Variants in AKAP6 observed in about 807,000 individuals in gnomAD.
AKAP6 encodes the protein A-kinase anchor protein 6.
Under a neutral mutation model 188.5 loss-of-function variants are expected in AKAP6, and 58 were observed. That is an observed-to-expected ratio of 0.31 (90% CI 0.25 to 0.38). AKAP6 has a LOEUF of 0.38. AKAP6 is among the 10% of genes least tolerant of loss of function. AKAP6 has a pLI of 1.00. For missense variants in AKAP6, 2,710 were observed against 2,740.0 expected (o/e 0.99, Z 0.24); for synonymous variants, 989 against 998.6 (o/e 0.99, Z 0.18).
At chr14:32,648,579 G>A (rs912352043) in intron 7 of AKAP6, among the ~76,000 whole-genome samples, 7 of 152,138 alleles carry the variant, frequency 4.6e-5, no homozygotes, top group Admixed American at 1.3e-4. Context: ...AGTAGAAACT[G>A]TATCTTAGCT....
intron 7 of AKAP6, among the ~76,000 whole-genome samples, chr14:32,660,601 A>G (rs1002047890): frequency 1.3e-5 from 2 of 152,034 alleles, no homozygotes; most frequent in Non-Finnish European, 2.9e-5. Flanking sequence ...TGGAACATTC[A>G]TTTGTTTCCC....
intron 7 of AKAP6, among the ~76,000 whole-genome samples, chr14:32,638,621 A>G (rs192264137): frequency 2.0e-5 from 3 of 152,220 alleles, no homozygotes; most frequent in Admixed American, 6.6e-5. Context: ...TATAAGTAGG[A>G]AGACCGCTTT....
chr14:32,350,205 AC>A (rs1254338850), intron 1 of AKAP6, among the ~76,000 whole-genome samples: 1 of 152,174 alleles, frequency 6.6e-6, no homozygotes, highest in Non-Finnish European at 1.5e-5. Flanking sequence ...CAGTAGTGAA[AC>A]CTGGTAAGTA....
chr14:32,510,989 C>CT (rs1269745597), intron 2 of AKAP6, among the ~76,000 whole-genome samples: 1 of 152,180 alleles, frequency 6.6e-6, no homozygotes. Flanking sequence ...TCATCCCACA[C>CT]TTACCCTCTA....
chr14:32,685,596 C>T lies in AKAP6; in HGVS notation c.2879+7137C>T, dbSNP rs563636747. On this transcript the variant is annotated intron_variant, in intron 8 of 13. Coordinates refer to ENST00000280979, the MANE Select transcript of AKAP6 (RefSeq NM_004274.5). ...AAAATTAGCCAGGCATGGTGGTGGG[C>T]GCCTGTACTCCCAGCTACTAGGGAG... 8.7e-4 allele frequency among the ~76,000 whole-genome samples: 132 copies of T among 151,722 alleles called. 1 individual carries two copies. Among genetic ancestry groups the T allele is most frequent in the African/African-American group, 2.9e-3 (120 of 41,352 alleles).
intron 12 of AKAP6, among the ~76,000 whole-genome samples, chr14:32,819,261 A>C (rs1053612637): frequency 2.6e-5 from 4 of 152,164 alleles, no homozygotes; most frequent in African/African-American, 9.6e-5. Context: ...CTATACAGAT[A>C]ATCTCTTACA....
At chr14:32,456,971 T>G (rs1299004287) in intron 2 of AKAP6, among the ~76,000 whole-genome samples, 1 of 152,220 alleles carries the variant, frequency 6.6e-6, no homozygotes, top group African/African-American at 2.4e-5. Context: ...GGATGGAAAT[T>G]ATAAATTTAG....
intron 3 of AKAP6, among the ~76,000 whole-genome samples, chr14:32,540,168 C>CTCTCTCTCTCTCTCTCTATA (rs1240063339): frequency 1.5e-4 from 9 of 60,916 alleles, no homozygotes; most frequent in African/African-American, 8.8e-4. Flanking sequence ...CTCTCTCTCT[C>CTCTCTCTCTCTCTCTCTATA]TATATATATA....
chr14:32,745,545 AC>A (rs374497596), intron 11 of AKAP6, among the ~76,000 whole-genome samples: 27 of 149,746 alleles, frequency 1.8e-4, no homozygotes, highest in African/African-American at 5.7e-4. Context: ...GTTATGAGCC[AC>A]CTAAAGCTGG....
At chr14:32,349,744 C>A (rs1025398427) in intron 1 of AKAP6, among the ~76,000 whole-genome samples, 33 of 152,156 alleles carry the variant, frequency 2.2e-4, no homozygotes, top group African/African-American at 6.8e-4. Flanking sequence ...AATGCCCAGA[C>A]CTTGGTGCTA....
intron 9 of AKAP6, among the ~76,000 whole-genome samples, chr14:32,709,961 G>A (rs1312879027): frequency 6.6e-6 from 1 of 151,916 alleles, no homozygotes; most frequent in East Asian, 1.9e-4. Context: ...ATCCTCTTTT[G>A]TAGCAGAAAA....
chr14:32,581,184 T>A (rs1244802200), intron 5 of AKAP6, among the ~76,000 whole-genome samples: 1 of 152,144 alleles, frequency 6.6e-6, no homozygotes, highest in Non-Finnish European at 1.5e-5. Flanking sequence ...GTAAAAGTGT[T>A]CCTGTTTCTC....
chr14:32,820,835 G>C (rs997632458), intron 12 of AKAP6, among the ~76,000 whole-genome samples: 4 of 152,248 alleles, frequency 2.6e-5, no homozygotes, highest in Admixed American at 2.0e-4. Flanking sequence ...ACAGAGGAAG[G>C]GGGGGTACAC....
Position 32,837,250 on chromosome 14 carries a change from G to A in AKAP6, c.*7445G>A, listed in dbSNP as rs1179444460. ...ATTTAACACAAATGCATAAAAATAT[G>A]ATGTAATAAGAAACAATCCTGAAAT... On this transcript the variant is annotated 3_prime_UTR_variant, in exon 14 of 14. Transcript: ENST00000280979. The A allele has an allele frequency of 6.6e-6, 1 of 152,188 alleles. No homozygotes were observed. Among genetic ancestry groups the A allele is most frequent in the Admixed American group, 6.5e-5 (1 of 15,286 alleles). 9.4% of individuals were successfully genotyped at this position (152,188 alleles called of 1,614,324 possible). A position where few individuals can be genotyped will look rare whatever the true frequency, so the allele number is the denominator to read the frequency against.
rs183508581 is a variant in AKAP6 at position 32,780,346 on chromosome 14, A to G, written c.3588+6453A>G. Among the ~76,000 whole-genome samples, 4 of 152,156 alleles carry G rather than the reference A, an allele frequency of 2.6e-5. No individual in the cohort carries two copies. The East Asian group carries it at 7.7e-4, about 29-fold the overall frequency. ...ACTTATATATGGAATCTAAAAAGAA[A>G]AAAAGAAAGAAACAGAGAATCTGAA... On this transcript the variant is annotated intron_variant, in intron 12 of 13. Coordinates refer to ENST00000280979, the MANE Select transcript of AKAP6 (RefSeq NM_004274.5).
rs2034860133 is a variant in AKAP6 at position 32,835,033 on chromosome 14, A to G, written c.*5228A>G. The G allele has an allele frequency of 6.6e-6, 1 of 152,230 alleles. No individual in the cohort carries two copies. Among genetic ancestry groups the G allele is most frequent in the South Asian group, 2.1e-4 (1 of 4,836 alleles). The allele number at this position is 152,230 out of a possible 1,614,324, so 9.4% of individuals were successfully genotyped here. On this transcript the variant is annotated 3_prime_UTR_variant, in exon 14 of 14. Transcript: ENST00000280979. Reference sequence around the variant, plus strand: ...GTGTCCATGTATAAAGTTTTATTAGAACACATCCACGCACATTTGTTTCCA... The same window carrying G: ...GTGTCCATGTATAAAGTTTTATTAGGACACATCCACGCACATTTGTTTCCA...
In AKAP6 at chr14:32,823,229, A is replaced by T. The variant is rs1412965998; in HGVS notation, c.5416A>T (p.Ile1806Phe). 6.2e-7 allele frequency: 1 copy of T among 1,613,784 alleles called. No homozygotes were observed. Among genetic ancestry groups the T allele is most frequent in the South Asian group, 1.1e-5 (1 of 91,078 alleles). The change falls in exon 13 of 14, where the codon ATT (isoleucine) becomes TTT (phenylalanine). Residue 1806 changes from isoleucine to phenylalanine, a missense_variant. By Grantham distance (21) the Ile-to-Phe change is conservative (BLOSUM62 0). Transcript: ENST00000280979. ...CATAAAGAATGAATTACAGACCTGG[A>T]TTAGGCCAAAATTGTCTTTGACAAG... ...DYIKNELQTW[I>F]RPKLSLTRDK...
chr14:32,341,833 C>CA (rs1229551179), intron 1 of AKAP6, among the ~76,000 whole-genome samples: 4 of 151,860 alleles, frequency 2.6e-5, no homozygotes, highest in South Asian at 4.1e-4. Flanking sequence ...CCAGCCTGAG[C>CA]AAAAAAGTCC....
At chr14:32,465,670 G>C (rs1463565624) in intron 2 of AKAP6, among the ~76,000 whole-genome samples, 1 of 152,116 alleles carries the variant, frequency 6.6e-6, no homozygotes, top group Non-Finnish European at 1.5e-5. Flanking sequence ...ACATAGGCTT[G>C]GGCAAAGACT....
Sources: allele counts gnomAD v4.1 joint callset (sites outside exome capture counted in the v4.1 genomes callset), GRCh38; gene constraint gnomAD v4.1.1; transcripts MANE v1.5; gene names NCBI Gene and HGNC (gene_info 2026-07-23, HGNC 2026-07-21).